Variants in LUZP2 observed in about 807,000 individuals in gnomAD.
LUZP2 encodes the protein leucine zipper protein 2.
A neutral mutation model predicts 51.6 loss-of-function variants in LUZP2; 52 were observed. That is an observed-to-expected ratio of 1.01 (90% CI 0.81 to 1.27). The LOEUF (loss-of-function observed/expected upper bound fraction) is 1.27. Ranked by LOEUF, LUZP2 falls within the 50% of genes most tolerant of loss-of-function variation. LUZP2 has a pLI of 0.00. For synonymous variants in LUZP2, 154 were observed against 137.3 expected (o/e 1.12, Z -0.85); for missense variants, 436 against 395.4 (o/e 1.10, Z -0.87).
chr11:25,028,113 G>A (rs1206766902), intron 9 of LUZP2, among the ~76,000 whole-genome samples: 1 of 151,982 alleles, frequency 6.6e-6, no homozygotes, highest in Non-Finnish European at 1.5e-5. Context: ...TAGGTTATAC[G>A]AGACATTTTG....
At chr11:24,912,129 C>CCTTCCTTTTTCCTCT (rs1410233381) in intron 6 of LUZP2, among the ~76,000 whole-genome samples, 1 of 151,632 alleles carries the variant, frequency 6.6e-6, no homozygotes, top group Non-Finnish European at 1.5e-5. Flanking sequence ...CCTTTCCTTT[C>CCTTCCTTTTTCCTCT]CTTCCTTTTT....
intron 1 of LUZP2, among the ~76,000 whole-genome samples, chr11:24,578,481 A>G (rs1319292393): frequency 6.6e-6 from 1 of 152,068 alleles, no homozygotes; most frequent in Admixed American, 6.6e-5. Flanking sequence ...TTCCACATGC[A>G]TGCATATGTT....
chr11:24,618,614 C>T (rs1397919440), intron 1 of LUZP2, among the ~76,000 whole-genome samples: 6 of 152,168 alleles, frequency 3.9e-5, no homozygotes, highest in African/African-American at 1.2e-4. Flanking sequence ...GTTGTATCTT[C>T]TTCAATTCCA....
chr11:24,866,118 A>G (rs1851888463), intron 5 of LUZP2, among the ~76,000 whole-genome samples: 1 of 11,622 alleles, frequency 8.6e-5, no homozygotes, highest in South Asian at 3.9e-3. Flanking sequence ...TTTCATACAC[A>G]CACACACACA....
chr11:24,601,988 GTGTATATATGTATATATA>G (rs1291304076), intron 1 of LUZP2, among the ~76,000 whole-genome samples: 6 of 65,730 alleles, frequency 9.1e-5, no homozygotes, highest in South Asian at 3.8e-4. Flanking sequence ...GTATATATAT[GTGTATATATGTATATATA>G]TGTATATATG....
intron 1 of LUZP2, among the ~76,000 whole-genome samples, chr11:24,716,783 G>C (rs11028116): frequency 0.028 from 4,286 of 152,072 alleles, 187 homozygotes; most frequent in African/African-American, 0.097. Flanking sequence ...GTAATCCCAG[G>C]TACTTGGGAG....
At position 24,869,236 on chromosome 11, in the gene LUZP2, G is replaced by A. The variant is rs189372016; in HGVS notation, c.397-36755G>A. Among the ~76,000 whole-genome samples, 895 of 152,204 alleles carry A rather than the reference G, an allele frequency of 5.9e-3. 7 individuals are homozygous for A. The highest frequency in any genetic ancestry group is 0.011 in the Non-Finnish European group (719 of 68,000). On this transcript the variant is annotated intron_variant, in intron 5 of 11. Transcript: ENST00000336930. ...ATGCTGAACAGGAACAAATAAATTAGACAGAGTATTTGAAGCAGAAGAGTA... is the reference window on the plus strand; with the variant it reads ...ATGCTGAACAGGAACAAATAAATTAAACAGAGTATTTGAAGCAGAAGAGTA...
chr11:25,034,513 A>G (rs1857790394), intron 9 of LUZP2, among the ~76,000 whole-genome samples: 1 of 152,018 alleles, frequency 6.6e-6, no homozygotes, highest in African/African-American at 2.4e-5. Flanking sequence ...TCAGAAGAGT[A>G]TTTTCCAAGT....
At chr11:24,553,757 C>A (rs923631214) in intron 1 of LUZP2, among the ~76,000 whole-genome samples, 3 of 152,220 alleles carry the variant, frequency 2.0e-5, no homozygotes, top group Admixed American at 2.0e-4. Context: ...GTGCCCACAT[C>A]ATCTTTGGCA....
At chr11:25,005,304 C>T (rs1455960029) in intron 9 of LUZP2, among the ~76,000 whole-genome samples, 1 of 152,152 alleles carries the variant, frequency 6.6e-6, no homozygotes, top group East Asian at 1.9e-4. Context: ...ATGTAAATTG[C>T]AAGCTTTGCA....
intron 7 of LUZP2, among the ~76,000 whole-genome samples, chr11:24,923,287 T>C (rs1303229301): frequency 2.0e-5 from 3 of 152,130 alleles, no homozygotes; most frequent in Non-Finnish European, 4.4e-5. Flanking sequence ...CAAAGATCTG[T>C]GAAAGAAAAA....
At chr11:24,808,369 G>A (rs12808815) in intron 5 of LUZP2, among the ~76,000 whole-genome samples, 2 of 152,022 alleles carry the variant, frequency 1.3e-5, no homozygotes, top group East Asian at 1.9e-4. Context: ...CAATGAACTC[G>A]ATTCTGAAGG....
intron 5 of LUZP2, among the ~76,000 whole-genome samples, chr11:24,851,898 A>T (rs541819518): frequency 6.6e-6 from 1 of 152,176 alleles, no homozygotes; most frequent in African/African-American, 2.4e-5. Context: ...TTTCTAGCTT[A>T]TTTGCATAGC....
chr11:24,996,094 TTATAA>T (rs1185700998), intron 9 of LUZP2, among the ~76,000 whole-genome samples: 3 of 151,254 alleles, frequency 2.0e-5, no homozygotes, highest in African/African-American at 4.8e-5. Context: ...ATATTATCTA[TTATAA>T]TATATTTAAC....
chr11:24,926,365 ATATATATACGTGTG>A (rs1854252265), intron 7 of LUZP2, among the ~76,000 whole-genome samples: 1 of 57,638 alleles, frequency 1.7e-5, no homozygotes, highest in African/African-American at 7.6e-5. Context: ...ACGTGTGTAT[ATATATATACGTGTG>A]TATATATATA....
intron 10 of LUZP2, among the ~76,000 whole-genome samples, chr11:25,051,940 T>C (rs1177491452): frequency 2.0e-5 from 3 of 152,134 alleles, no homozygotes; most frequent in Non-Finnish European, 2.9e-5. Flanking sequence ...GTTTCTCTCT[T>C]CTACTTGTGT....
chr11:25,078,289 TAA>T (rs1167608089), intron 11 of LUZP2, among the ~76,000 whole-genome samples: 1 of 152,372 alleles, frequency 6.6e-6, no homozygotes, highest in Admixed American at 6.5e-5. Context: ...TGAATTAGAT[TAA>T]ACAGAATTGA....
At chr11:24,652,214 G>T (rs570029168) in intron 1 of LUZP2, among the ~76,000 whole-genome samples, 24 of 152,172 alleles carry the variant, frequency 1.6e-4, no homozygotes, top group African/African-American at 5.8e-4. Context: ...GAACTGAAGT[G>T]TTTTTTGAAA....
At chr11:24,669,642 A>G (rs1856336557) in intron 1 of LUZP2, among the ~76,000 whole-genome samples, 1 of 152,042 alleles carries the variant, frequency 6.6e-6, no homozygotes, top group Admixed American at 6.6e-5. Context: ...TGTTTGGATT[A>G]TTTAAAGCAG....
Sources: gnomAD v4.1 joint callset for allele counts (sites outside exome capture counted in the v4.1 genomes callset) on GRCh38, gnomAD v4.1.1 for gene constraint, MANE v1.5 for transcripts, NCBI Gene and HGNC (gene_info 2026-07-23, HGNC 2026-07-21) for gene names.